BCKDHB: variants seen among roughly 807,000 people sequenced by gnomAD.
BCKDHB encodes 2-oxoisovalerate dehydrogenase subunit beta, mitochondrial.
BCKDHB carries 41 observed loss-of-function variants against 48.5 expected under a neutral mutation model. The observed-to-expected ratio is 0.85, with a 90% CI of 0.66 to 1.10. The LOEUF is 1.10. Among genes scored for constraint, BCKDHB ranks in the 50% least tolerant of loss-of-function variants. BCKDHB has a pLI of 0.00. For synonymous variants in BCKDHB, 201 were observed against 174.8 expected, an observed-to-expected ratio of 1.15 and a Z score of -1.18; for missense variants, 496 against 494.2, an observed-to-expected ratio of 1.00 and a Z score of -0.03.
At chr6:80,142,618 A>AAT (rs566629346) in intron 3 of BCKDHB, among the ~76,000 whole-genome samples, 4 of 152,002 alleles carry the variant, frequency 2.6e-5, no homozygotes, top group African/African-American at 9.6e-5. Flanking sequence ...GCTTACTCTG[A>AAT]CTCTCTCTAT....
chr6:80,303,584 A>G (rs961502107), intron 9 of BCKDHB, among the ~76,000 whole-genome samples: 5 of 152,102 alleles, frequency 3.3e-5, no homozygotes, highest in Admixed American at 1.3e-4. Flanking sequence ...GCGTTCATCT[A>G]TGTCAAGCAG....
chr6:80,331,812 A>G (rs772852200), intron 9 of BCKDHB, among the ~76,000 whole-genome samples: 3 of 152,188 alleles, frequency 2.0e-5, no homozygotes, highest in Admixed American at 6.5e-5. Flanking sequence ...CCCTTTTGGC[A>G]TTTATGAAGT....
chr6:80,450,358 T>TGG, the BCKDHB span, among the ~76,000 whole-genome samples: 14 of 152,126 alleles, frequency 9.2e-5, no homozygotes, highest in Non-Finnish European at 1.5e-4. Flanking sequence ...AAACATTTAA[T>TGG]GGGGGTTTAT....
At chr6:80,444,759 G>A in the BCKDHB span, among the ~76,000 whole-genome samples, 9 of 152,064 alleles carry the variant, frequency 5.9e-5, no homozygotes, top group African/African-American at 1.7e-4. Context: ...ATAACACCTA[G>A]TTTTTCTGAG....
chr6:80,248,386 T>C (rs1163695840), intron 8 of BCKDHB, among the ~76,000 whole-genome samples: 2 of 152,250 alleles, frequency 1.3e-5, no homozygotes, highest in African/African-American at 4.8e-5. Flanking sequence ...GGTTTTGTTT[T>C]ACTTTGCTTT....
chr6:80,431,405 A>T, the BCKDHB span, among the ~76,000 whole-genome samples: 1 of 152,120 alleles, frequency 6.6e-6, no homozygotes, highest in Admixed American at 6.5e-5. Context: ...GATCTGTCTA[A>T]TATTGCCAGA....
At chr6:80,142,239 A>T (rs1771256317) in intron 3 of BCKDHB, among the ~76,000 whole-genome samples, 1 of 152,124 alleles carries the variant, frequency 6.6e-6, no homozygotes, top group Admixed American at 6.6e-5. Flanking sequence ...TTAGATTATA[A>T]AATCAAATAA....
chr6:80,212,525 GGTGCCCTGATTTCATATT>G (rs768081157), intron 8 of BCKDHB, among the ~76,000 whole-genome samples: 5 of 151,910 alleles, frequency 3.3e-5, no homozygotes, highest in Non-Finnish European at 5.9e-5. Flanking sequence ...TTCCTTTTCA[GGTGCCCTGATTTCATATT>G]GTTCAAACAC....
chr6:80,406,996 A>G, the BCKDHB span, among the ~76,000 whole-genome samples: 2 of 152,132 alleles, frequency 1.3e-5, no homozygotes, highest in Admixed American at 1.3e-4. Flanking sequence ...TAGGTCTTAC[A>G]TTTAAGTCTT....
rs147564309 is a variant in BCKDHB, at chr6:80,133,498, C to A, written c.343+4269C>A. 9.9e-5 allele frequency among the ~76,000 whole-genome samples: 15 copies of A among 152,268 alleles called. No individual in the cohort carries two copies. The East Asian group carries it at 2.9e-3, about 29-fold the overall frequency. ...CTCATCAACATTGCATTCCAAATGG[C>A]AGCTTTAACCACTGTACGTAATGAG... On this transcript the variant is annotated intron_variant, in intron 3 of 9. Transcript: ENST00000320393.
chr6:80,383,683 A>C, the BCKDHB span, among the ~76,000 whole-genome samples: 1 of 152,020 alleles, frequency 6.6e-6, no homozygotes, highest in African/African-American at 2.4e-5. Context: ...TGTTTTTTTA[A>C]TCAGTAGTAC....
intron 8 of BCKDHB, among the ~76,000 whole-genome samples, chr6:80,240,030 G>A (rs976138088): frequency 1.3e-5 from 2 of 152,154 alleles, no homozygotes; most frequent in Non-Finnish European, 1.5e-5. Context: ...TTGAAGTCAG[G>A]TAGCATGATG....
chr6:80,278,801 C>T (rs563342288), intron 9 of BCKDHB, among the ~76,000 whole-genome samples: 3 of 152,144 alleles, frequency 2.0e-5, no homozygotes, highest in Non-Finnish European at 4.4e-5. Context: ...TTGTGATCCA[C>T]CGACCTCGGC....
chr6:80,168,333 A>AAGAAGGGAGAGGGG (rs1226898038), intron 4 of BCKDHB, among the ~76,000 whole-genome samples: 2 of 148,814 alleles, frequency 1.3e-5, no homozygotes, highest in African/African-American at 4.9e-5. Flanking sequence ...GGGGAGAGGG[A>AAGAAGGGAGAGGGG]AGAAGGGAGA....
At chr6:80,346,665 GC>G (rs1208049756), downstream of BCKDHB, among the ~76,000 whole-genome samples, 3 of 152,022 alleles carry the variant, frequency 2.0e-5, no homozygotes, top group Admixed American at 6.5e-5. Context: ...AGCAATTTTT[GC>G]CCATGTTCTT....
At chr6:80,381,056 G>A in the BCKDHB span, among the ~76,000 whole-genome samples, 1 of 151,942 alleles carries the variant, frequency 6.6e-6, no homozygotes, top group African/African-American at 2.4e-5. Flanking sequence ...TGTCTGGAAG[G>A]TAGGTATATA....
intron 6 of BCKDHB, among the ~76,000 whole-genome samples, chr6:80,194,520 G>A (rs1047832516): frequency 2.0e-5 from 3 of 152,028 alleles, no homozygotes; most frequent in African/African-American, 7.3e-5. Flanking sequence ...CTTTATTCTG[G>A]GGAAGACAGT....
chr6:80,338,921 G>A (rs1371471118), intron 9 of BCKDHB, among the ~76,000 whole-genome samples: 2 of 152,048 alleles, frequency 1.3e-5, no homozygotes, highest in Non-Finnish European at 2.9e-5. Flanking sequence ...ACCTCGGGGA[G>A]GTTAAGTCAC....
chr6:80,122,848 G>C (rs1432005610), intron 1 of BCKDHB, among the ~76,000 whole-genome samples: 1 of 152,074 alleles, frequency 6.6e-6, no homozygotes, highest in Non-Finnish European at 1.5e-5. Flanking sequence ...TACCAGCTTG[G>C]AGTTTTTCCC....
Sources: allele counts gnomAD v4.1 joint callset (sites outside exome capture counted in the v4.1 genomes callset), GRCh38; gene constraint gnomAD v4.1.1; transcripts MANE v1.5; gene names NCBI Gene and HGNC (gene_info 2026-07-23, HGNC 2026-07-21).